The following MTUS2 variants were observed in gnomAD, a reference collection of about 807,000 sequenced individuals.
MTUS2 encodes microtubule-associated tumor suppressor candidate 2.
In MTUS2, 40 loss-of-function variants were observed where a neutral mutation model predicts 114.1. The observed-to-expected ratio is 0.35, with a 90% CI of 0.27 to 0.46. The LOEUF is 0.46. Ranked by LOEUF, MTUS2 falls within the 20% of genes least tolerant of loss-of-function variation. The pLI is 1.00. For missense variants in MTUS2, 1,679 were observed against 1,705.4 expected, an observed-to-expected ratio of 0.98 and a Z score of 0.27; for synonymous variants, 688 against 672.0, an observed-to-expected ratio of 1.02 and a Z score of -0.37.
chr13:29,020,372 T>G (rs536142433), intron 2 of MTUS2, among the ~76,000 whole-genome samples: 1 of 152,324 alleles, frequency 6.6e-6, no homozygotes, highest in South Asian at 2.1e-4. Flanking sequence ...TTTGAACTTC[T>G]GTGATCATGT....
chr13:28,943,103 A>G (rs1271687731), intron 2 of MTUS2, among the ~76,000 whole-genome samples: 1 of 152,172 alleles, frequency 6.6e-6, no homozygotes, highest in Non-Finnish European at 1.5e-5. Context: ...CCCTTCTCAG[A>G]CATTCCTATG....
chr13:28,862,054 C>A (rs1354938351), intron 2 of MTUS2, among the ~76,000 whole-genome samples: 1 of 152,122 alleles, frequency 6.6e-6, no homozygotes, highest in African/African-American at 2.4e-5. Context: ...TGGAAGCTGA[C>A]CCTAACACAT....
chr13:29,084,481 C>T (rs1005784652), intron 4 of MTUS2, among the ~76,000 whole-genome samples: 1 of 151,988 alleles, frequency 6.6e-6, no homozygotes, highest in East Asian at 1.9e-4. Flanking sequence ...AGGGGCTCCT[C>T]CATGCAATGG....
intron 6 of MTUS2, among the ~76,000 whole-genome samples, chr13:29,317,084 T>A (rs1900021770): frequency 6.6e-6 from 1 of 152,226 alleles, no homozygotes; most frequent in Admixed American, 6.5e-5. Flanking sequence ...TCAGAATTAA[T>A]TATCCCTTAG....
intron 4 of MTUS2, among the ~76,000 whole-genome samples, chr13:29,073,924 C>G (rs903356391): frequency 3.9e-5 from 6 of 152,094 alleles, no homozygotes; most frequent in Admixed American, 2.0e-4. Flanking sequence ...ACTCTTTGCT[C>G]ACCCCCAAGC....
intron 5 of MTUS2, among the ~76,000 whole-genome samples, chr13:29,187,197 GA>G (rs896006930): frequency 2.7e-3 from 380 of 142,844 alleles, no homozygotes; most frequent in Admixed American, 5.2e-3. Flanking sequence ...TTAGAAATCA[GA>G]AAAAAAAAAG....
chr13:28,891,858 C>CA (rs1169875500), intron 2 of MTUS2, among the ~76,000 whole-genome samples: 13,200 of 51,590 alleles, frequency 0.26, 1,758 homozygotes, highest in East Asian at 0.44. Flanking sequence ...GACTCTGTCT[C>CA]AAAAAAAAAA....
intron 2 of MTUS2, among the ~76,000 whole-genome samples, chr13:28,877,422 A>G (rs918250816): frequency 2.0e-5 from 3 of 152,150 alleles, no homozygotes; most frequent in Non-Finnish European, 4.4e-5. Flanking sequence ...CTTGGTAGGT[A>G]TATATTCAGA....
intron 2 of MTUS2, among the ~76,000 whole-genome samples, chr13:28,856,388 A>G (rs1403676604): frequency 6.6e-6 from 1 of 152,202 alleles, no homozygotes; most frequent in Non-Finnish European, 1.5e-5. Flanking sequence ...TGCAGCCAAC[A>G]ATGTGGGATG....
At chr13:29,013,848 C>A (rs979224011) in intron 2 of MTUS2, among the ~76,000 whole-genome samples, 4 of 152,248 alleles carry the variant, frequency 2.6e-5, no homozygotes, top group African/African-American at 9.6e-5. Flanking sequence ...TTCCCCACCC[C>A]TTCAATTGGA....
chr13:29,351,649 G>A (rs1869291113), intron 7 of MTUS2, among the ~76,000 whole-genome samples: 2 of 151,902 alleles, frequency 1.3e-5, no homozygotes, highest in African/African-American at 4.8e-5. Context: ...TGTCACCCAG[G>A]CTGGAGTGCA....
At chr13:29,153,639 TAC>T (rs1368658699) in intron 5 of MTUS2, among the ~76,000 whole-genome samples, 1 of 152,166 alleles carries the variant, frequency 6.6e-6, no homozygotes, top group Non-Finnish European at 1.5e-5. Context: ...TGGGCTCAAT[TAC>T]ACACTGCCCA....
intron 8 of MTUS2, among the ~76,000 whole-genome samples, chr13:29,430,543 C>T (rs958870911): frequency 2.0e-5 from 3 of 152,048 alleles, no homozygotes; most frequent in African/African-American, 7.2e-5. Flanking sequence ...CTGCTTTTAC[C>T]AGCTTTTTCA....
At chr13:29,118,944 T>G (rs1002499933) in intron 5 of MTUS2, among the ~76,000 whole-genome samples, 2 of 152,130 alleles carry the variant, frequency 1.3e-5, no homozygotes, top group African/African-American at 4.8e-5. Flanking sequence ...AGCTGAAGAT[T>G]TGCAGGATGT....
At chr13:29,296,062 C>T (rs1898928635) in intron 6 of MTUS2, among the ~76,000 whole-genome samples, 1 of 152,186 alleles carries the variant, frequency 6.6e-6, no homozygotes, top group South Asian at 2.1e-4. Context: ...AGATTTTATA[C>T]CTTGGCTGTT....
chr13:28,891,912 C>G (rs1466321426), intron 2 of MTUS2, among the ~76,000 whole-genome samples: 2 of 149,182 alleles, frequency 1.3e-5, no homozygotes, highest in African/African-American at 4.9e-5. Context: ...AACCTTATCT[C>G]TAGGCTTTTC....
At chr13:28,839,447 T>C (rs548763786) in intron 1 of MTUS2, among the ~76,000 whole-genome samples, 1 of 152,306 alleles carries the variant, frequency 6.6e-6, no homozygotes, top group South Asian at 2.1e-4. Flanking sequence ...AGATACTTCA[T>C]TTATATGGTT....
At position 29,390,756 on chromosome 13, in the gene MTUS2, GTGATGATGATGATGATGATGA is replaced by G. The variant is rs71090251; in HGVS notation, c.3117+31306_3117+31326del. Among the ~76,000 whole-genome samples, 604 of 146,692 alleles carry G rather than the reference GTGATGATGATGATGATGATGA, an allele frequency of 4.1e-3. 4 individuals carry two copies. The highest frequency in any genetic ancestry group is 0.014 in the African/African-American group (568 of 39,852). On this transcript the variant is annotated intron_variant, in intron 8 of 15. Transcript: ENST00000612955. ...CAACTGCAGATAGTCCCACCAAATG[GTGATGATGATGATGATGATGA>G]TGATGATGATGATGATGATGATTGA...
intron 5 of MTUS2, among the ~76,000 whole-genome samples, chr13:29,193,801 A>AATT (rs1312932212): frequency 6.6e-6 from 1 of 152,138 alleles, no homozygotes; most frequent in African/African-American, 2.4e-5. Context: ...TCCTAAGCCA[A>AATT]AAGAACAAAG....
Sources: gnomAD v4.1 joint callset for allele counts (sites outside exome capture counted in the v4.1 genomes callset) on GRCh38, gnomAD v4.1.1 for gene constraint, MANE v1.5 for transcripts, NCBI Gene and HGNC (gene_info 2026-07-23, HGNC 2026-07-21) for gene names.